The following PPL variants were observed in gnomAD, a reference collection of about 807,000 sequenced individuals.
PPL encodes the protein periplakin.
PPL carries 198 observed loss-of-function variants against 194.4 expected under a neutral mutation model. That is an observed-to-expected ratio of 1.02 (90% CI 0.91 to 1.15). The LOEUF (loss-of-function observed/expected upper bound fraction) is 1.15, where lower values mean the gene tolerates loss of function less well. PPL is among the 50% of genes most tolerant of loss of function. The pLI is 0.00. For synonymous variants in PPL, 1,220 were observed against 972.4 expected, an observed-to-expected ratio of 1.25 and a Z score of -4.74; for missense variants, 2,885 against 2,294.8, an observed-to-expected ratio of 1.26 and a Z score of -5.25.
intron 1 of PPL, among the ~76,000 whole-genome samples, chr16:4,922,971 C>T (rs527624346): frequency 6.6e-6 from 1 of 152,250 alleles, no homozygotes; most frequent in East Asian, 1.9e-4. Context: ...TCCCAGATGC[C>T]CACTCCCTGG....
intron 1 of PPL, 72 bp downstream of exon 1, chr16:4,936,912 G>T: frequency 6.9e-7 from 1 of 1,451,690 alleles, no homozygotes; most frequent in Non-Finnish European, 9.3e-7. Context: ...ACACTGCCCG[G>T]GAGGTCTTCC....
In PPL at chr16:4,889,277, G is replaced by C. The variant is rs145375414; in HGVS notation, c.2314-216C>G. Among the ~76,000 whole-genome samples the C allele has an allele frequency of 7.5e-3, 467 of 62,096 alleles. 8 individuals are homozygous for C. The highest frequency in any genetic ancestry group is 0.026 in the African/African-American group (448 of 16,926). The allele number at this position is 62,096 out of a possible 152,430, so 40.7% of individuals were successfully genotyped here. On this transcript the variant is annotated intron_variant, in intron 18 of 21. Transcript: ENST00000345988. ...TTTTTTTTTTTTTTTTTTTTTTTGA[G>C]ACAGTCTCACTGCATCGCCCAGGCT...
rs1411504456 is a variant in PPL at position 4,884,848 on chromosome 16, G to A, written c.3807C>T (p.Ile1269=). 1 of 1,614,138 alleles carries A rather than the reference G, an allele frequency of 6.2e-7. No homozygotes were observed. Among genetic ancestry groups the A allele is most frequent in the Non-Finnish European group, 8.5e-7 (1 of 1,180,028 alleles). The stretch of plus-strand genomic sequence containing the variant: ...CCTGGATTTCCTTTTTCAGCTGGTA[G>A]ATCTCTAAATCACACCTTTCGATCA... ...TRLIERCDLE[I]YQLKKEIQAL... The change falls in exon 22 of 22, where the codon ATC becomes ATT. Residue 1269 remains isoleucine, a synonymous_variant. Transcript: ENST00000345988. The surrounding 1 kb of genome is among the most constrained non-coding windows in gnomAD (Gnocchi z 5.7).
At chr16:4,911,834 C>T (rs1440300992) in intron 1 of PPL, among the ~76,000 whole-genome samples, 5 of 151,948 alleles carry the variant, frequency 3.3e-5, no homozygotes, top group Non-Finnish European at 7.4e-5. Context: ...CACCAGGCCC[C>T]GACTACATAT....
chr16:4,911,999 C>G (rs1177855695), intron 1 of PPL, among the ~76,000 whole-genome samples: 1 of 152,204 alleles, frequency 6.6e-6, no homozygotes, highest in Non-Finnish European at 1.5e-5. Flanking sequence ...GCACACCCAG[C>G]TTCTAATGCT....
chr16:4,924,423 T>TGCTCTAAGCCC (rs1481552181), intron 1 of PPL, among the ~76,000 whole-genome samples: 8 of 152,230 alleles, frequency 5.3e-5, no homozygotes, highest in Non-Finnish European at 1.2e-4. Context: ...GGACCTGCTT[T>TGCTCTAAGCCC]GCTCTAAGCC....
intron 1 of PPL, among the ~76,000 whole-genome samples, chr16:4,919,669 C>T (rs979127071): frequency 3.3e-5 from 5 of 152,160 alleles, no homozygotes; most frequent in African/African-American, 1.2e-4. Flanking sequence ...GGAGTGCACA[C>T]CTGTAATCCC....
In PPL at chr16:4,885,816, C is replaced by T; in HGVS notation, c.2839G>A (p.Glu947Lys). The T allele has an allele frequency of 1.2e-6, 2 of 1,608,614 alleles. No homozygotes were observed. Among genetic ancestry groups the T allele is most frequent in the Non-Finnish European group, 8.5e-7 (1 of 1,180,020 alleles). Residue 947 changes from glutamate (E) to lysine (K), a missense_variant, in exon 22 of 22, where the codon GAG (glutamate) becomes AAG (lysine). Coordinates refer to ENST00000345988, the MANE Select transcript of PPL (RefSeq NM_002705.5). This position sits in a 1 kb window ranked among gnomAD's most constrained non-coding sequence, Gnocchi z 6.3. ...CGCTGCAGCTGCTGGAAGCTCTCCT[C>T]CAGCACGGGATCCGGCACCTTCTTG... ...VLKKVPDPVLEESFQQLQRTL... is the reference protein window; with the variant it reads ...VLKKVPDPVLKESFQQLQRTL...
At chr16:4,925,593 G>A (rs765401352) in intron 1 of PPL, among the ~76,000 whole-genome samples, 4 of 152,142 alleles carry the variant, frequency 2.6e-5, no homozygotes, top group Non-Finnish European at 5.9e-5. Flanking sequence ...CACACCTTGC[G>A]TAGGGCTGGG....
intron 1 of PPL, among the ~76,000 whole-genome samples, chr16:4,912,512 G>A (rs1042042145): frequency 2.6e-5 from 4 of 152,260 alleles, no homozygotes; most frequent in East Asian, 1.9e-4. Flanking sequence ...TGCTATGAAC[G>A]TTCGGGAACA....
intron 21 of PPL, 131 bp from the exon 22 acceptor site, chr16:4,886,178 T>C (rs12445618): frequency 8.7e-7 from 1 of 1,145,180 alleles, no homozygotes; most frequent in Non-Finnish European, 1.2e-6. Flanking sequence ...ATGTTAGTTG[T>C]AGAGTTCTAG....
At position 4,892,141 on chromosome 16, in the gene PPL, G is replaced by A; in HGVS notation, c.1723C>T (p.Gln575Ter). ...GTGGTGCCACTGCCTGGGAGGGCCT[G>A]GATGAAGGCTTCGCCCTCAGCCGTG... Reference protein sequence around the residue: ...RSTAEGEAFIQALPGSGTTPL... With the variant: ...RSTAEGEAFI Residue 575 changes from glutamine to a stop codon, truncating the protein, a stop_gained, in exon 15 of 22, where the codon CAG (glutamine) becomes TAG (stop). Transcript: ENST00000345988. LOFTEE classifies it high-confidence loss of function. 6.2e-7 allele frequency: 1 copy of A among 1,613,856 alleles called. No homozygotes were observed. Among genetic ancestry groups the A allele is most frequent in the Non-Finnish European group, 8.5e-7 (1 of 1,180,038 alleles).
In PPL at chr16:4,887,286, A is replaced by G. The variant is rs2088234687; in HGVS notation, c.2515-59T>C. On this transcript the variant is annotated intron_variant, in intron 20 of 21. Transcript: ENST00000345988. ...AACAGGTGTCAACAGGGTAAGCAACAGAGAGCTAGACAGCGTGGACGTGGT... is the reference window on the plus strand; with the variant it reads ...AACAGGTGTCAACAGGGTAAGCAACGGAGAGCTAGACAGCGTGGACGTGGT... 5.5e-6 allele frequency: 7 copies of G among 1,279,062 alleles called. No individual in the cohort carries two copies. The East Asian group carries it at 6.9e-5, about 13-fold the overall frequency. The allele number at this position is 1,279,062 out of a possible 1,614,324, so 79.2% of individuals were successfully genotyped here. A position where few individuals can be genotyped will look rare whatever the true frequency, so the allele number is the denominator to read the frequency against.
chr16:4,891,556 G>C (rs2088319655), intron 16 of PPL: 2 of 412,208 alleles, frequency 4.9e-6, no homozygotes, highest in Non-Finnish European at 8.5e-6. Context: ...TGGTGTTACA[G>C]GCATGTGCCA....
At chr16:4,887,298 A>G in intron 20 of PPL, 71 bp from the exon 21 acceptor site, 1 of 1,136,740 alleles carries the variant, frequency 8.8e-7, no homozygotes, top group South Asian at 1.2e-5. Context: ...AGAGCTAGAC[A>G]GCGTGGACGT....
intron 1 of PPL, among the ~76,000 whole-genome samples, chr16:4,931,586 G>A (rs1391552368): frequency 6.6e-6 from 1 of 152,206 alleles, no homozygotes; most frequent in African/African-American, 2.4e-5. Flanking sequence ...GGCAGGCTGG[G>A]AGGATGCAAG....
intron 1 of PPL, among the ~76,000 whole-genome samples, chr16:4,926,782 G>T (rs1596588485): frequency 6.6e-6 from 1 of 151,720 alleles, no homozygotes; most frequent in African/African-American, 2.4e-5. Context: ...GGGAGGCTGA[G>T]GCGGGAGAAT....
At chr16:4,916,676 T>G (rs562646499) in intron 1 of PPL, among the ~76,000 whole-genome samples, 1 of 152,068 alleles carries the variant, frequency 6.6e-6, no homozygotes, top group Admixed American at 6.6e-5. Context: ...AGCTAATTTT[T>G]TTTTTTTTTC....
chr16:4,894,328 C>G, intron 12 of PPL, 139 bp downstream of exon 12: 1 of 1,095,742 alleles, frequency 9.1e-7, no homozygotes. Flanking sequence ...GCATGAACTT[C>G]CAAGGGGGTG....
Sources: gnomAD v4.1 joint callset for allele counts (sites outside exome capture counted in the v4.1 genomes callset) on GRCh38, gnomAD v4.1.1 for gene constraint, Gnocchi (gnomAD v3.1) non-coding constraint, MANE v1.5 for transcripts, NCBI Gene and HGNC (gene_info 2026-07-23, HGNC 2026-07-21) for gene names.